ABCF1: variants seen among roughly 807,000 people sequenced by gnomAD.
ABCF1 encodes ATP-binding cassette sub-family F member 1.
ABCF1 carries 73 observed loss-of-function variants against 126.3 expected under a neutral mutation model. The ratio of observed to expected loss-of-function variants is 0.58; its 90% CI spans 0.48 to 0.70. The LOEUF (loss-of-function observed/expected upper bound fraction) is 0.70, where lower values mean the gene tolerates loss of function less well. Ranked by LOEUF, ABCF1 falls within the 30% of genes least tolerant of loss-of-function variation. The pLI is 0.00. For synonymous variants in ABCF1, 345 were observed against 396.4 expected, an observed-to-expected ratio of 0.87 and a Z score of 1.54; for missense variants, 786 against 1,057.5, an observed-to-expected ratio of 0.74 and a Z score of 3.56.
chr6:30,585,352 C>T lies in ABCF1; in HGVS notation c.1475+9C>T, dbSNP rs370330093. 9 of 1,612,072 alleles carry T rather than the reference C, an allele frequency of 5.6e-6. No homozygotes were observed. Among genetic ancestry groups the T allele is most frequent in the African/African-American group, 2.7e-5 (2 of 74,806 alleles). On this transcript the variant is annotated intron_variant, in intron 15 of 24. Transcript: ENST00000326195. The stretch of plus-strand genomic sequence containing the variant: ...GTCATCTGGCTTAATAAGTGCGTTA[C>T]GGCCTTTGCATCATTGGTTCCCATT...
At position 30,584,608 on chromosome 6, in the gene ABCF1, C is replaced by T; in HGVS notation, c.1391+42C>T. ...ACTGCCCTCCCTTCCAGCCTCAGACCACCGGGGCCCTTTTCCTCTTTCCCT... is the reference window on the plus strand; with the variant it reads ...ACTGCCCTCCCTTCCAGCCTCAGACTACCGGGGCCCTTTTCCTCTTTCCCT... On this transcript the variant is annotated intron_variant, in intron 14 of 24. Transcript: ENST00000326195. This position sits in a 1 kb window ranked among gnomAD's most constrained non-coding sequence, Gnocchi z 4.6. 6.5e-7 allele frequency: 1 copy of T among 1,540,246 alleles called. No homozygotes were observed. The highest frequency in any genetic ancestry group is 8.7e-7 in the Non-Finnish European group (1 of 1,148,536).
chr6:30,584,357 G>A lies in ABCF1; in HGVS notation c.1242+26G>A, dbSNP rs367759817. Reference sequence around the variant, plus strand: ...GTAGAGGAGATGGCGCAGGGGACACGGGCAAAGACTTGGGGGTTCCTGGGA... The same window carrying A: ...GTAGAGGAGATGGCGCAGGGGACACAGGCAAAGACTTGGGGGTTCCTGGGA... On this transcript the variant is annotated intron_variant, in intron 13 of 24. Transcript: ENST00000326195. This position sits in a 1 kb window ranked among gnomAD's most constrained non-coding sequence, Gnocchi z 4.6. 1.3e-5 allele frequency: 21 copies of A among 1,612,972 alleles called. No homozygotes were observed. The African/African-American group carries it at 1.3e-4, about 10-fold the overall frequency.
intron 8 of ABCF1, among the ~76,000 whole-genome samples, chr6:30,580,931 C>T (rs1270039574): frequency 1.3e-5 from 2 of 152,128 alleles, no homozygotes; most frequent in African/African-American, 4.8e-5. Context: ...CTGCCTCAGC[C>T]TCCCAAAATG....
chr6:30,590,480 A>C, intron 24 of ABCF1, 55 bp from the exon 25 acceptor site: 1 of 1,581,456 alleles, frequency 6.3e-7, no homozygotes, highest in Non-Finnish European at 8.6e-7. Context: ...TCATGTTCTG[A>C]TTCCCCTCTT....
chr6:30,589,410 T>C, intron 20 of ABCF1: 1 of 514,346 alleles, frequency 1.9e-6, no homozygotes, highest in South Asian at 2.3e-5. Flanking sequence ...GAGACCATCC[T>C]GGCTAACATG....
In ABCF1 at chr6:30,583,806, A is replaced by C. The variant is rs748174962; in HGVS notation, c.1018A>C (p.Lys340Gln). 2 of 1,614,184 alleles carry C rather than the reference A, an allele frequency of 1.2e-6. No homozygotes were observed. The highest frequency in any genetic ancestry group is 4.5e-5 in the East Asian group (2 of 44,890). Residue 340 changes from lysine to glutamine, a missense_variant and splice_region_variant, in exon 12 of 25, where the codon AAG (lysine) becomes CAG (glutamine). By Grantham distance (53) the Lys-to-Gln change is moderately conservative. Transcript: ENST00000326195. The surrounding 1 kb of genome is among the most constrained non-coding windows in gnomAD (Gnocchi z 4.1). ...GTCCTAATAGCTTTTATTCCCCAGC[A>C]AGGGCAAGACCACACTCCTCAAGCA... ...RRYGLVGPNGKGKTTLLKHIA... is the reference protein window; with the variant it reads ...RRYGLVGPNGQGKTTLLKHIA...
chr6:30,586,271 C>A lies in ABCF1; in HGVS notation c.1851C>A (p.Pro617=). 1 of 1,612,222 alleles carries A rather than the reference C, an allele frequency of 6.2e-7. No individual in the cohort carries two copies. The highest frequency in any genetic ancestry group is 8.5e-7 in the Non-Finnish European group (1 of 1,179,056). Residue 617 remains proline (P), a synonymous_variant, in exon 18 of 25, where the codon CCC becomes CCA. Transcript: ENST00000326195. The surrounding 1 kb of genome is among the most constrained non-coding windows in gnomAD (Gnocchi z 4.9). ...EYTVRFTFPD[P]PPLSPPVLGL... ...CTGTGCGCTTCACTTTTCCAGACCC[C>A]CCACCACTCAGCCCTCCAGTGCTGG...
intron 1 of ABCF1, among the ~76,000 whole-genome samples, chr6:30,575,051 G>A (rs200833840): frequency 2.0e-5 from 3 of 151,638 alleles, no homozygotes; most frequent in East Asian, 1.9e-4. Flanking sequence ...AGTAGATGGC[G>A]GATACCATTG....
chr6:30,579,519 G>A (rs192999474), intron 6 of ABCF1, among the ~76,000 whole-genome samples: 33 of 146,724 alleles, frequency 2.2e-4, no homozygotes, highest in African/African-American at 6.9e-4. Flanking sequence ...GTGCAGTGGC[G>A]TAATCCTGGC....
chr6:30,588,919 C>G (rs150920408), intron 20 of ABCF1, among the ~76,000 whole-genome samples: 1,729 of 152,252 alleles, frequency 0.011, 16 homozygotes, highest in Middle Eastern at 0.034. Context: ...GCTTGTCCCT[C>G]TTGTCCTCCA....
Position 30,577,442 on chromosome 6 carries a change from A to G in ABCF1, c.107A>G (p.Lys36Arg), listed in dbSNP as rs368431649. 6.2e-7 allele frequency: 1 copy of G among 1,613,850 alleles called. No homozygotes were observed. Among genetic ancestry groups the G allele is most frequent in the Non-Finnish European group, 8.5e-7 (1 of 1,179,928 alleles). ...GTGAAGAAAGGGAAGAAGGACAAGA[A>G]GATCAAAAAAACGGTGAGAAAATGA... ...KVVKKGKKDK[K>R]IKKTFFEELA... The change falls in exon 2 of 25, where the codon AAG becomes AGG. Residue 36 changes from lysine to arginine, a missense_variant. Coordinates refer to ENST00000326195, the MANE Select transcript of ABCF1 (RefSeq NM_001025091.2).
chr6:30,572,000 T>A (rs565096541), intron 1 of ABCF1, among the ~76,000 whole-genome samples: 2 of 152,256 alleles, frequency 1.3e-5, no homozygotes, highest in Admixed American at 1.3e-4. Context: ...TCCTTCATGG[T>A]TTCTTTCTTA....
chr6:30,590,129 C>T lies in ABCF1; in HGVS notation c.2234-20C>T, dbSNP rs185662972. ...ATGTGAGGTGCTAGGTGTGACAGCC[C>T]TCCCCTTCCTTTGCTACAGGTGGTC... On this transcript the variant is annotated intron_variant, in intron 22 of 24. Coordinates refer to ENST00000326195, the MANE Select transcript of ABCF1 (RefSeq NM_001025091.2). The T allele has an allele frequency of 2.5e-4, 411 of 1,613,018 alleles. 1 individual carries two copies. In the African/African-American group the frequency reaches 4.6e-3, roughly 18 times the overall value.
intron 2 of ABCF1, among the ~76,000 whole-genome samples, 161 bp downstream of exon 2, chr6:30,577,616 A>G (rs1485477712): frequency 6.6e-6 from 1 of 152,044 alleles, no homozygotes; most frequent in Non-Finnish European, 1.5e-5. Context: ...CCCAGCGCTT[A>G]GGGAGGCAGA....
At position 30,574,902 on chromosome 6, in the gene ABCF1, T is replaced by C. The variant is rs1801417417; in HGVS notation, c.74-2507T>C. Among the ~76,000 whole-genome samples, 1 of 152,110 alleles carries C rather than the reference T, an allele frequency of 6.6e-6. No individual in the cohort carries two copies. The highest frequency in any genetic ancestry group is 2.4e-5 in the African/African-American group (1 of 41,426). On this transcript the variant is annotated intron_variant, in intron 1 of 24. Transcript: ENST00000326195. The surrounding 1 kb of genome is among the most constrained non-coding windows in gnomAD (Gnocchi z 4.3). ...CAGAAAAGATAGGGTAGGGCCATTT[T>C]AGTCTGTGAAGCCTTTAATTATTGG...
chr6:30,572,012 G>C (rs1196958478), intron 1 of ABCF1, among the ~76,000 whole-genome samples: 1 of 152,056 alleles, frequency 6.6e-6, no homozygotes, highest in Non-Finnish European at 1.5e-5. Context: ...TCTTTCTTAA[G>C]ACACCCCTCT....
chr6:30,579,001 A>G (rs1275110991), intron 6 of ABCF1, among the ~76,000 whole-genome samples: 1 of 151,484 alleles, frequency 6.6e-6, no homozygotes, highest in Non-Finnish European at 1.5e-5. Flanking sequence ...CTCAGTCTCA[A>G]AAAAAAAACA....
intron 3 of ABCF1, 49 bp downstream of exon 3, chr6:30,577,962 C>T (rs1423406455): frequency 6.2e-7 from 1 of 1,613,248 alleles, no homozygotes; most frequent in African/African-American, 1.3e-5. Context: ...CTGGGTTCCA[C>T]CAACCCCTTT....
At chr6:30,571,707 G>A in intron 1 of ABCF1, 147 bp downstream of exon 1, 1 of 859,692 alleles carries the variant, frequency 1.2e-6, no homozygotes. Context: ...GGAGGAGTTT[G>A]CCGGGGAGGA....
Sources: allele counts gnomAD v4.1 joint callset (sites outside exome capture counted in the v4.1 genomes callset), GRCh38; gene constraint gnomAD v4.1.1; non-coding constraint Gnocchi (gnomAD v3.1); transcripts MANE v1.5; gene names NCBI Gene and HGNC (gene_info 2026-07-23, HGNC 2026-07-21).